OR4E2: variants seen among roughly 807,000 people sequenced by gnomAD.
OR4E2 encodes the protein olfactory receptor 4E2.
OR4E2 carries 9 observed loss-of-function variants against 11.0 expected under a neutral mutation model. That is an observed-to-expected ratio of 0.82 (90% CI 0.49 to 1.43). The LOEUF (loss-of-function observed/expected upper bound fraction) is 1.43. Among genes scored for constraint, OR4E2 ranks in the 40% most tolerant of loss-of-function variants. The pLI, the probability that OR4E2 is intolerant of heterozygous loss-of-function variation, is 0.00. For missense variants in OR4E2, 441 were observed against 382.0 expected (o/e 1.15, Z -1.29); for synonymous variants, 159 against 147.3 (o/e 1.08, Z -0.57).
chr14:21,662,079 A>G (rs1051789454), intron 3 of OR4E2, among the ~76,000 whole-genome samples: 3 of 152,122 alleles, frequency 2.0e-5, no homozygotes, highest in African/African-American at 7.2e-5. Context: ...TCTATTACTA[A>G]TTAAGCATAT....
chr14:21,660,623 T>A (rs1566584652), intron 2 of OR4E2, 30 bp from the exon 3 acceptor site: 1 of 117,616 alleles, frequency 8.5e-6, no homozygotes, highest in Non-Finnish European at 1.7e-5. Flanking sequence ...AATGATTTAA[T>A]CTGATCTATT....
At position 21,660,708 on chromosome 14, in the gene OR4E2, G is replaced by A. The variant is rs1428917685; in HGVS notation, c.-47G>A. 6.6e-6 allele frequency: 1 copy of A among 151,132 alleles called. No homozygotes were observed. The highest frequency in any genetic ancestry group is 1.5e-5 in the Non-Finnish European group (1 of 67,970). The allele number at this position is 151,132 out of a possible 1,614,324, so 9.4% of individuals were successfully genotyped here. A position where few individuals can be genotyped will look rare whatever the true frequency, so the allele number is the denominator to read the frequency against. The stretch of plus-strand genomic sequence containing the variant: ...CTTGAACTTCTGGACTTAAGCGATA[G>A]ATCCTCCACCTCAGCCTCTTGAGTA... On this transcript the variant is annotated 5_prime_UTR_variant, in exon 3 of 4. Transcript: ENST00000641524.
In OR4E2 at chr14:21,666,145, TTTCTGCTCATTAAAGATAAGAACTTA is replaced by T. The variant is rs1880638196; in HGVS notation, c.*127_*152del. 3.1e-6 allele frequency: 2 copies of T among 649,588 alleles called. No homozygotes were observed. Among genetic ancestry groups the T allele is most frequent in the Non-Finnish European group, 5.3e-6 (2 of 374,004 alleles). The allele number at this position is 649,588 out of a possible 1,614,324, so 40.2% of individuals were successfully genotyped here. On this transcript the variant is annotated 3_prime_UTR_variant, in exon 4 of 4. Coordinates refer to ENST00000641524, the MANE Select transcript of OR4E2 (RefSeq NM_001001912.3). ...GTAAAATGGCATAGAGCAGGTCAGA[TTTCTGCTCATTAAAGATAAGAACTTA>T]TTCTGTTCATTAAAGATAAGAACTT...
chr14:21,664,040 G>A (rs1008839894), intron 3 of OR4E2, among the ~76,000 whole-genome samples: 1 of 152,032 alleles, frequency 6.6e-6, no homozygotes, highest in South Asian at 2.1e-4. Flanking sequence ...CTTTGCTATT[G>A]TAAACAGTGC....
At chr14:21,656,072 A>G (rs1177620440) in intron 1 of OR4E2, among the ~76,000 whole-genome samples, 2 of 151,994 alleles carry the variant, frequency 1.3e-5, no homozygotes, top group Non-Finnish European at 2.9e-5. Context: ...GAGCCCAGGA[A>G]TTTGAGACCA....
chr14:21,663,313 A>G (rs927513776), intron 3 of OR4E2, among the ~76,000 whole-genome samples: 1 of 152,076 alleles, frequency 6.6e-6, no homozygotes, highest in Non-Finnish European at 1.5e-5. Context: ...CCCCGTCTCT[A>G]CTAAAAATAC....
At position 21,666,691 on chromosome 14, in the gene OR4E2, T is replaced by C. The variant is rs1191242549; in HGVS notation, c.*667T>C. On this transcript the variant is annotated 3_prime_UTR_variant, in exon 4 of 4. Transcript: ENST00000641524. Reference sequence around the variant, plus strand: ...TAGTAAAAATTAAAAAGGTAGAAAATACCAAGTGGTTTTTTTTTTTTTTTT... The same window carrying C: ...TAGTAAAAATTAAAAAGGTAGAAAACACCAAGTGGTTTTTTTTTTTTTTTT... The C allele has an allele frequency of 1.4e-5, 2 of 146,426 alleles. No individual in the cohort carries two copies. The highest frequency in any genetic ancestry group is 1.9e-4 in the East Asian group (1 of 5,152). 9.1% of individuals were successfully genotyped at this position (146,426 alleles called of 1,614,324 possible). A position where few individuals can be genotyped will look rare whatever the true frequency, so the allele number is the denominator to read the frequency against.
Position 21,665,370 on chromosome 14 carries a change from C to G in OR4E2, c.288C>G (p.Asn96Lys), listed in dbSNP as rs376296410. 6.2e-7 allele frequency: 1 copy of G among 1,614,150 alleles called. No homozygotes were observed. Among genetic ancestry groups the G allele is most frequent in the South Asian group, 1.1e-5 (1 of 91,084 alleles). The change falls in exon 4 of 4, where the codon AAC (asparagine) becomes AAG (lysine). Residue 96 changes from asparagine to lysine, a missense_variant. Coordinates refer to ENST00000641524, the MANE Select transcript of OR4E2 (RefSeq NM_001001912.3). ...AAAGAAAGACCATTTCCTTTGACAACTGCATCACACAGCTCTTCTTCCTAC... is the reference window on the plus strand; with the variant it reads ...AAAGAAAGACCATTTCCTTTGACAAGTGCATCACACAGCTCTTCTTCCTAC... The part of the protein sequence containing the change: ...LLERKTISFD[N>K]CITQLFFLHL...
At position 21,666,015 on chromosome 14, in the gene OR4E2, A is replaced by G. The variant is rs1594552171; in HGVS notation, c.933A>G (p.Ser311=). 3 of 1,611,350 alleles carry G rather than the reference A, an allele frequency of 1.9e-6. No individual in the cohort carries two copies. The highest frequency in any genetic ancestry group is 2.5e-6 in the Non-Finnish European group (3 of 1,177,890). ...LRQRQVFFTK[S]YT ...AGAGACAAGTTTTTTTCACGAAATC[A>G]TATACATAATGGGCACTGGGATTGC... Residue 311 remains serine (S), a synonymous_variant, in exon 4 of 4, where the codon TCA becomes TCG. Coordinates refer to ENST00000641524, the MANE Select transcript of OR4E2 (RefSeq NM_001001912.3).
In OR4E2 at chr14:21,657,576, C is replaced by CCCCCTT. The variant is rs1880079166; in HGVS notation, c.-103+990_-103+991insCTTCCC. ...CTGTCTCTCTCTCTCTCTCTCTCTC[C>CCCCCTT]CCCTTCCCTTCCCTTCCCTTCCTTT... On this transcript the variant is annotated intron_variant, in intron 2 of 3. Transcript: ENST00000641524. 5.3e-4 allele frequency among the ~76,000 whole-genome samples: 68 copies of CCCCCTT among 128,910 alleles called. 1 individual carries two copies. In the South Asian group the frequency reaches 0.01, roughly 19 times the overall value. The allele number at this position is 128,910 out of a possible 152,430, so 84.6% of individuals were successfully genotyped here.
At chr14:21,664,344 A>G (rs1399024605) in intron 3 of OR4E2, among the ~76,000 whole-genome samples, 1 of 152,150 alleles carries the variant, frequency 6.6e-6, no homozygotes, top group African/African-American at 2.4e-5. Flanking sequence ...TCTAATGATC[A>G]GTGATGTTGA....
intron 3 of OR4E2, among the ~76,000 whole-genome samples, chr14:21,661,338 G>A (rs933385977): frequency 3.3e-5 from 5 of 152,100 alleles, no homozygotes; most frequent in East Asian, 1.9e-4. Context: ...ACATATATGC[G>A]TAAATATATA....
chr14:21,656,859 G>C (rs1280850603), intron 2 of OR4E2, among the ~76,000 whole-genome samples: 1 of 152,142 alleles, frequency 6.6e-6, no homozygotes, highest in Non-Finnish European at 1.5e-5. Flanking sequence ...ACACCCTCCA[G>C]GATTCCTCAA....
At chr14:21,654,891 T>G (rs1462328372) in intron 1 of OR4E2, among the ~76,000 whole-genome samples, 4 of 152,194 alleles carry the variant, frequency 2.6e-5, no homozygotes, top group African/African-American at 9.6e-5. Context: ...GTCTTGAATC[T>G]AGAGGCAGTC....
chr14:21,665,606 A>G lies in OR4E2; in HGVS notation c.524A>G (p.Asp175Gly). ...CCTTACTGTGGCCCCAACATTATTGACAGCTACTTCTGTGATGTGCCTCTT... is the reference window on the plus strand; with the variant it reads ...CCTTACTGTGGCCCCAACATTATTGGCAGCTACTTCTGTGATGTGCCTCTT... The part of the protein sequence containing the change: ...RLPYCGPNII[D>G]SYFCDVPLVI... The change falls in exon 4 of 4, where the codon GAC becomes GGC. Residue 175 changes from aspartate (D) to glycine (G), a missense_variant. Coordinates refer to ENST00000641524, the MANE Select transcript of OR4E2 (RefSeq NM_001001912.3). 1 of 1,614,048 alleles carries G rather than the reference A, an allele frequency of 6.2e-7. No individual in the cohort carries two copies. Among genetic ancestry groups the G allele is most frequent in the South Asian group, 1.1e-5 (1 of 91,072 alleles).
At chr14:21,661,648 C>T (rs574181002) in intron 3 of OR4E2, among the ~76,000 whole-genome samples, 1 of 152,300 alleles carries the variant, frequency 6.6e-6, no homozygotes, top group South Asian at 2.1e-4. Context: ...TTAAGTGGTT[C>T]TAATGTGCAG....
At chr14:21,658,322 G>A (rs1463847629) in intron 2 of OR4E2, among the ~76,000 whole-genome samples, 2 of 152,148 alleles carry the variant, frequency 1.3e-5, no homozygotes, top group Non-Finnish European at 2.9e-5. Flanking sequence ...GAGGGTTTAA[G>A]CCCTGGCATT....
rs553173765 is a variant in OR4E2 at position 21,665,478 on chromosome 14, C to A, written c.396C>A (p.Tyr132Ter). 28 of 1,614,146 alleles carry A rather than the reference C, an allele frequency of 1.7e-5. No homozygotes were observed. The highest frequency in any genetic ancestry group is 2.2e-5 in the Non-Finnish European group (26 of 1,180,028). ...RYVAICTPLH[Y>*]PNVMNMRVCI... ...TGGCTATCTGCACTCCACTCCACTA[C>A]CCCAATGTGATGAACATGAGAGTCT... The change falls in exon 4 of 4, where the codon TAC becomes TAA. Residue 132 changes from tyrosine to a stop codon, truncating the protein, a stop_gained. Coordinates refer to ENST00000641524, the MANE Select transcript of OR4E2 (RefSeq NM_001001912.3). LOFTEE classifies it high-confidence loss of function.
Position 21,665,626 on chromosome 14 carries a change from C to T in OR4E2, c.544C>T (p.Pro182Ser), listed in dbSNP as rs1225905818. ...NIIDSYFCDV[P>S]LVIKLACTDT... Reference sequence around the variant, plus strand: ...TATTGACAGCTACTTCTGTGATGTGCCTCTTGTTATCAAGCTGGCCTGCAC... The same window carrying T: ...TATTGACAGCTACTTCTGTGATGTGTCTCTTGTTATCAAGCTGGCCTGCAC... Residue 182 changes from proline to serine, a missense_variant, in exon 4 of 4, where the codon CCT becomes TCT. Pro to Ser is a moderately conservative substitution (Grantham distance 74). Coordinates refer to ENST00000641524, the MANE Select transcript of OR4E2 (RefSeq NM_001001912.3). 3.1e-6 allele frequency: 5 copies of T among 1,613,882 alleles called. No homozygotes were observed. The African/African-American group carries it at 5.3e-5, about 17-fold the overall frequency.
Sources: gnomAD v4.1 joint callset for allele counts (sites outside exome capture counted in the v4.1 genomes callset) on GRCh38, gnomAD v4.1.1 for gene constraint, MANE v1.5 for transcripts, NCBI Gene and HGNC (gene_info 2026-07-23, HGNC 2026-07-21) for gene names.